Variants in SNX6 observed in about 807,000 individuals in gnomAD.
SNX6 encodes the protein sorting nexin 6.
SNX6 carries 34 observed loss-of-function variants against 63.0 expected under a neutral mutation model. The observed-to-expected ratio is 0.54, with a 90% CI of 0.41 to 0.72. SNX6 has a LOEUF of 0.72. Among genes scored for constraint, SNX6 ranks in the 30% least tolerant of loss-of-function variants. The pLI, the probability that SNX6 is intolerant of heterozygous loss-of-function variation, is 0.00. For missense variants in SNX6, 398 were observed against 471.4 expected, an observed-to-expected ratio of 0.84 and a Z score of 1.44; for synonymous variants, 170 against 164.2, an observed-to-expected ratio of 1.04 and a Z score of -0.27.
In SNX6 at chr14:34,593,129, G is replaced by A; in HGVS notation, c.634C>T (p.His212Tyr). 6.2e-7 allele frequency: 1 copy of A among 1,604,030 alleles called. No individual in the cohort carries two copies. Among genetic ancestry groups the A allele is most frequent in the South Asian group, 1.1e-5 (1 of 88,376 alleles). Residue 212 changes from histidine to tyrosine, a missense_variant, in exon 8 of 14, where the codon CAC (histidine) becomes TAC (tyrosine). His to Tyr is a moderately conservative substitution (Grantham distance 83). Coordinates refer to ENST00000362031, the MANE Select transcript of SNX6 (RefSeq NM_152233.4). ...GVKDVDDFFE[H>Y]ERTFLLEYHN... ...TACTCCAAAAGAAATGTTCGTTCGT[G>A]CTCAAAGAAATCATCTACATCCTAT...
intron 8 of SNX6, among the ~76,000 whole-genome samples, chr14:34,589,066 G>A (rs1433116522): frequency 1.3e-5 from 2 of 152,130 alleles, no homozygotes; most frequent in Non-Finnish European, 2.9e-5. Flanking sequence ...CCTGTGAGGC[G>A]GAGGTTGCAG....
Position 34,609,715 on chromosome 14 carries a change from TTTGAAGATCTACATTTATTGC to T in SNX6, c.61_81del (p.Ala21_Gln27del). ...ATGTCCACCTGCAGAGCAGCATCAC[TTTGAAGATCTACATTTATTGC>T]TTTAAGCTAGAAAAAGAAAACCAGT... On this transcript the variant is annotated inframe_deletion, in exon 3 of 14. Coordinates refer to ENST00000362031, the MANE Select transcript of SNX6 (RefSeq NM_152233.4). 2 of 1,612,110 alleles carry T rather than the reference TTTGAAGATCTACATTTATTGC, an allele frequency of 1.2e-6. No homozygotes were observed. Among genetic ancestry groups the T allele is most frequent in the South Asian group, 1.1e-5 (1 of 90,868 alleles).
chr14:34,623,482 C>T (rs538573318), intron 2 of SNX6, among the ~76,000 whole-genome samples: 31 of 152,174 alleles, frequency 2.0e-4, no homozygotes, highest in African/African-American at 7.5e-4. Flanking sequence ...CACTAACGTG[C>T]TATATGGTTT....
intron 11 of SNX6, among the ~76,000 whole-genome samples, chr14:34,570,047 TTTTG>T (rs1881371752): frequency 6.6e-6 from 1 of 151,388 alleles, no homozygotes; most frequent in South Asian, 2.1e-4. Flanking sequence ...CCAACACTTA[TTTTG>T]TTTTTTTGGG....
chr14:34,586,878 G>A (rs1024503956), intron 8 of SNX6, among the ~76,000 whole-genome samples: 1 of 149,316 alleles, frequency 6.7e-6, no homozygotes, highest in Non-Finnish European at 1.5e-5. Flanking sequence ...GCATGGTAGT[G>A]GGCACCTGTA....
At chr14:34,585,982 G>T (rs1274552482) in intron 9 of SNX6, among the ~76,000 whole-genome samples, 1 of 151,994 alleles carries the variant, frequency 6.6e-6, no homozygotes, top group Non-Finnish European at 1.5e-5. Flanking sequence ...TCAGCTCACT[G>T]CAACCTCTGC....
chr14:34,581,572 C>G lies in SNX6; in HGVS notation c.823G>C (p.Asp275His). Residue 275 changes from aspartate to histidine, a missense_variant, in exon 10 of 14, where the codon GAT becomes CAT. Coordinates refer to ENST00000362031, the MANE Select transcript of SNX6 (RefSeq NM_152233.4). The part of the protein sequence containing the change: ...KFFLKVSELF[D>H]KTRKIEARVS... ...AATTTAGTACTTACTCTTGTTTTATCGAACAGTTCTGAAACTTTGAGAAAA... is the reference window on the plus strand; with the variant it reads ...AATTTAGTACTTACTCTTGTTTTATGGAACAGTTCTGAAACTTTGAGAAAA... The G allele has an allele frequency of 6.8e-7, 1 of 1,462,432 alleles. No homozygotes were observed. The highest frequency in any genetic ancestry group is 9.5e-7 in the Non-Finnish European group (1 of 1,048,848). 90.6% of individuals were successfully genotyped at this position (1,462,432 alleles called of 1,614,324 possible).
At position 34,564,497 on chromosome 14, in the gene SNX6, T is replaced by C. The variant is rs557892372; in HGVS notation, c.1168-1322A>G. Among the ~76,000 whole-genome samples the C allele has an allele frequency of 2.6e-5, 4 of 152,084 alleles. No individual in the cohort carries two copies. The East Asian group carries it at 7.8e-4, about 29-fold the overall frequency. The stretch of plus-strand genomic sequence containing the variant: ...GTTAATAGAACAGTTATCAGAAATC[T>C]AAATACAGAGAACTCAGGTCAGAAA... On this transcript the variant is annotated intron_variant, in intron 13 of 13. Transcript: ENST00000362031.
chr14:34,572,329 C>T (rs1215136189), intron 11 of SNX6, among the ~76,000 whole-genome samples: 3 of 151,992 alleles, frequency 2.0e-5, no homozygotes, highest in East Asian at 3.9e-4. Context: ...GAGGCCGAGG[C>T]GGGTGGATAA....
chr14:34,588,601 C>T (rs1427122429), intron 8 of SNX6, among the ~76,000 whole-genome samples: 1 of 152,092 alleles, frequency 6.6e-6, no homozygotes, highest in Non-Finnish European at 1.5e-5. Context: ...AATCAGGAAC[C>T]AATCTGACTA....
chr14:34,576,346 T>A (rs530117491), intron 10 of SNX6, among the ~76,000 whole-genome samples: 1 of 151,966 alleles, frequency 6.6e-6, no homozygotes, highest in African/African-American at 2.4e-5. Context: ...CCTTTTTGCT[T>A]CTACCAGCCT....
At position 34,595,528 on chromosome 14, in the gene SNX6, A is replaced by G. The variant is rs555762419; in HGVS notation, c.612+2022T>C. ...AATGTGGGCTACCAATCAACACATT[A>G]TAAGTGTTCAAAAATGTTATTATTC... On this transcript the variant is annotated intron_variant, in intron 7 of 13. Coordinates refer to ENST00000362031, the MANE Select transcript of SNX6 (RefSeq NM_152233.4). 4.2e-4 allele frequency among the ~76,000 whole-genome samples: 64 copies of G among 152,370 alleles called. 1 individual carries two copies. The South Asian group carries it at 8.3e-3, about 20-fold the overall frequency.
chr14:34,569,170 C>G (rs750416306), intron 11 of SNX6: 5 of 744,612 alleles, frequency 6.7e-6, no homozygotes, highest in Admixed American at 5.5e-5. Flanking sequence ...GGGGAAAGGG[C>G]TCAGTCCGTT....
intron 2 of SNX6, among the ~76,000 whole-genome samples, chr14:34,613,429 G>C (rs552481074): frequency 6.6e-6 from 1 of 152,190 alleles, no homozygotes; most frequent in Non-Finnish European, 1.5e-5. Flanking sequence ...CTCCACTTCT[G>C]AGGTTTTCAT....
intron 2 of SNX6, among the ~76,000 whole-genome samples, chr14:34,626,044 G>C (rs1005764937): frequency 3.3e-5 from 5 of 152,018 alleles, no homozygotes; most frequent in African/African-American, 1.2e-4. Context: ...TCTGAAGTTC[G>C]GATTTCTCAT....
chr14:34,604,857 C>A (rs199652575), intron 5 of SNX6, among the ~76,000 whole-genome samples: 10 of 148,500 alleles, frequency 6.7e-5, no homozygotes, highest in Non-Finnish European at 7.4e-5. Flanking sequence ...GCAAATACTC[C>A]AAAAAAAAAA....
chr14:34,572,686 T>G (rs1158918043), intron 11 of SNX6, among the ~76,000 whole-genome samples: 1 of 152,008 alleles, frequency 6.6e-6, no homozygotes, highest in African/African-American at 2.4e-5. Flanking sequence ...TTTTGTTTTT[T>G]TTTGTTTTTT....
intron 11 of SNX6, among the ~76,000 whole-genome samples, chr14:34,569,895 T>G (rs749958037): frequency 1.3e-5 from 2 of 152,190 alleles, no homozygotes; most frequent in Non-Finnish European, 2.9e-5. Flanking sequence ...TTTCTCACTA[T>G]TAAGGAATGA....
At chr14:34,589,482 A>G (rs991385117) in intron 8 of SNX6, among the ~76,000 whole-genome samples, 1 of 151,788 alleles carries the variant, frequency 6.6e-6, no homozygotes, top group African/African-American at 2.4e-5. Context: ...AAAACAAAAA[A>G]CAAAGAAAAC....
Sources: gnomAD v4.1 joint callset for allele counts (sites outside exome capture counted in the v4.1 genomes callset) on GRCh38, gnomAD v4.1.1 for gene constraint, MANE v1.5 for transcripts, NCBI Gene and HGNC (gene_info 2026-07-23, HGNC 2026-07-21) for gene names.